The following SLC6A12 variants were observed in gnomAD, a reference collection of about 807,000 sequenced individuals.
The protein encoded by SLC6A12 is solute carrier family 6 member 12, also known as sodium- and chloride-dependent betaine transporter.
SLC6A12 carries 50 observed loss-of-function variants against 73.3 expected under a neutral mutation model. The observed-to-expected ratio is 0.68, with a 90% CI of 0.54 to 0.86. The LOEUF is 0.86. SLC6A12 is among the 40% of genes least tolerant of loss of function. The pLI, the probability that SLC6A12 is intolerant of heterozygous loss-of-function variation, is 0.00. For synonymous variants in SLC6A12, 304 were observed against 309.2 expected, an observed-to-expected ratio of 0.98 and a Z score of 0.18; for missense variants, 648 against 772.8, an observed-to-expected ratio of 0.84 and a Z score of 1.92.
intron 10 of SLC6A12, among the ~76,000 whole-genome samples, chr12:197,100 T>C (rs866968845): frequency 0.016 from 864 of 52,584 alleles, 9 homozygotes; most frequent in African/African-American, 0.058. Context: ...CATCCATCCA[T>C]CCATCCATCC....
At chr12:210,064 T>C in intron 2 of SLC6A12, 21 bp from the exon 3 acceptor site, 2 of 1,561,002 alleles carry the variant, frequency 1.3e-6, no homozygotes, top group South Asian at 1.2e-5. Context: ...GAGAAGAAAT[T>C]AGCTGTAAAA....
downstream of SLC6A12, among the ~76,000 whole-genome samples, chr12:186,696 T>A (rs1939435850): frequency 6.6e-6 from 1 of 152,234 alleles, no homozygotes; most frequent in African/African-American, 2.4e-5. Context: ...ACAATTAAGC[T>A]TTGGTGTACT....
Position 192,466 on chromosome 12 carries a change from T to C in SLC6A12, c.1701+12A>G, listed in dbSNP as rs1347617956. 4 of 1,613,296 alleles carry C rather than the reference T, an allele frequency of 2.5e-6. No individual in the cohort carries two copies. In the African/African-American group the frequency reaches 5.3e-5, roughly 22 times the overall value. ...CCTCCTTTAAGAGGTCACTCTCCCC[T>C]ACACCACCTACCTTCCTGAAAGGAC... On this transcript the variant is annotated intron_variant, in intron 15 of 15. Transcript: ENST00000684302.
chr12:185,588 A>C (rs990949208), downstream of SLC6A12, among the ~76,000 whole-genome samples: 2 of 152,232 alleles, frequency 1.3e-5, no homozygotes. Flanking sequence ...CAGGTTATGC[A>C]CTGACCCTGT....
chr12:191,688 C>T (rs911409930), intron 15 of SLC6A12, among the ~76,000 whole-genome samples: 1 of 152,134 alleles, frequency 6.6e-6, no homozygotes, highest in Non-Finnish European at 1.5e-5. Flanking sequence ...GTGGTGCCAT[C>T]TGCTCCCTCC....
In SLC6A12 at chr12:204,599, A is replaced by T; in HGVS notation, c.314T>A (p.Val105Asp). 1 of 1,614,198 alleles carries T rather than the reference A, an allele frequency of 6.2e-7. No individual in the cohort carries two copies. The highest frequency in any genetic ancestry group is 1.1e-5 in the South Asian group (1 of 91,086). The change falls in exon 4 of 16, where the codon GTC becomes GAC. Residue 105 changes from valine to aspartate, a missense_variant. Transcript: ENST00000684302. ...GGGGCAGATCTTCCTCCAGGCTGTG[A>T]CACTCCCTTGGCTGGTGTATTGGCC... The part of the protein sequence containing the change: ...ALGQYTSQGS[V>D]TAWRKICPLF...
At chr12:200,390 G>A (rs1354603892) in intron 7 of SLC6A12, among the ~76,000 whole-genome samples, 1 of 152,164 alleles carries the variant, frequency 6.6e-6, no homozygotes, top group Admixed American at 6.5e-5. Context: ...TTACAGGCGT[G>A]AGCCACTGCA....
chr12:202,652 C>T, intron 5 of SLC6A12, 88 bp downstream of exon 5: 2 of 1,425,886 alleles, frequency 1.4e-6, no homozygotes, highest in African/African-American at 2.8e-5. Context: ...TTCTGCTACA[C>T]TTATACTCCC....
downstream of SLC6A12, among the ~76,000 whole-genome samples, chr12:187,132 T>C (rs138400847): frequency 6.1e-3 from 923 of 152,334 alleles, 60 homozygotes; most frequent in South Asian, 0.15. Context: ...ATCAATTTTT[T>C]CATGCCACAC....
Position 206,308 on chromosome 12 carries a change from A to G in SLC6A12, c.215-1610T>C, listed in dbSNP as rs147844425. Among the ~76,000 whole-genome samples the G allele has an allele frequency of 3.1e-3, 470 of 152,196 alleles. 2 individuals carry two copies. The highest frequency in any genetic ancestry group is 0.011 in the African/African-American group (442 of 41,524). Reference sequence around the variant, plus strand: ...TTCTATGCATTTGCCTATTCTAGGTACCTTATGAAAGTGTAATTATACAGT... The same window carrying G: ...TTCTATGCATTTGCCTATTCTAGGTGCCTTATGAAAGTGTAATTATACAGT... On this transcript the variant is annotated intron_variant, in intron 3 of 15. Transcript: ENST00000684302.
chr12:212,154 T>C (rs1166853780), intron 1 of SLC6A12, 44 bp from the exon 2 acceptor site: 1 of 151,668 alleles, frequency 6.6e-6, no homozygotes, highest in Non-Finnish European at 1.5e-5. Flanking sequence ...TTTCGGAGGG[T>C]GAGGGGATAA....
chr12:186,947 C>T (rs769488029), downstream of SLC6A12, among the ~76,000 whole-genome samples: 1 of 152,174 alleles, frequency 6.6e-6, no homozygotes, highest in Non-Finnish European at 1.5e-5. Flanking sequence ...CTCTGCTGTC[C>T]CTTGCGTCGC....
At chr12:197,615 A>G in intron 9 of SLC6A12, 114 bp from the exon 10 acceptor site, 1 of 1,138,554 alleles carries the variant, frequency 8.8e-7, no homozygotes, top group Non-Finnish European at 1.2e-6. Context: ...AGGAGAGAGA[A>G]GGGGGAGGCA....
chr12:204,251 C>T (rs960431283), intron 4 of SLC6A12: 2 of 341,516 alleles, frequency 5.9e-6, no homozygotes, highest in African/African-American at 4.2e-5. Context: ...CATAGGTAAG[C>T]CAAGCTTCAC....
chr12:186,007 C>G (rs1939422952), downstream of SLC6A12, among the ~76,000 whole-genome samples: 1 of 152,194 alleles, frequency 6.6e-6, no homozygotes, highest in Non-Finnish European at 1.5e-5. Context: ...ACGGAGGTGG[C>G]AGGGACAGAC....
chr12:196,089 G>A lies in SLC6A12; in HGVS notation c.1326+35C>T, dbSNP rs144196758. On this transcript the variant is annotated intron_variant, in intron 12 of 15. Coordinates refer to ENST00000684302, the MANE Select transcript of SLC6A12 (RefSeq NM_001122848.3). The stretch of plus-strand genomic sequence containing the variant: ...AGTGTCCCCCGTGGCTCCCTCCCCT[G>A]GAGCCTGGCCTGCAGGCCGGCGGCC... 333 of 1,547,520 alleles carry A rather than the reference G, an allele frequency of 2.2e-4. No individual in the cohort carries two copies. The African/African-American group carries it at 3.7e-3, about 17-fold the overall frequency.
chr12:192,583 C>T lies in SLC6A12; in HGVS notation c.1596G>A (p.Pro532=), dbSNP rs75000134. 1.8e-3 allele frequency: 2,825 copies of T among 1,613,984 alleles called. 50 individuals are homozygous for T. In the African/African-American group the frequency reaches 0.033, roughly 19 times the overall value. The change falls in exon 15 of 16, where the codon CCG becomes CCA. Residue 532 remains proline (P), a synonymous_variant. Transcript: ENST00000684302. Reference sequence around the variant, plus strand: ...ACCAGCCAATGGAGTATCCCCAGGGCGGGTACACATAGACGTTGTTGTACT... The same window carrying T: ...ACCAGCCAATGGAGTATCCCCAGGGTGGGTACACATAGACGTTGTTGTACT... ...PLKYNNVYVY[P]PWGYSIGWFL...
chr12:201,972 G>T, intron 5 of SLC6A12, 123 bp from the exon 6 acceptor site: 1 of 737,516 alleles, frequency 1.4e-6, no homozygotes, highest in Non-Finnish European at 2.3e-6. Flanking sequence ...TTCTTTTGGA[G>T]CCCCCACTCT....
intron 6 of SLC6A12, 139 bp from the exon 7 acceptor site, chr12:200,922 C>T (rs777445585): frequency 2.3e-5 from 18 of 788,164 alleles, no homozygotes; most frequent in Non-Finnish European, 3.4e-5. Context: ...ACCTCCCCCA[C>T]AGTCAGGCCA....
Sources: gnomAD v4.1 joint callset for allele counts (sites outside exome capture counted in the v4.1 genomes callset) on GRCh38, gnomAD v4.1.1 for gene constraint, MANE v1.5 for transcripts, NCBI Gene and HGNC (gene_info 2026-07-23, HGNC 2026-07-21) for gene names.